AAMP: variants seen among roughly 807,000 people sequenced by gnomAD.
AAMP encodes angio-associated migratory cell protein.
In AAMP, 12 loss-of-function variants were observed where a neutral mutation model predicts 51.1. The observed-to-expected ratio is 0.23, with a 90% CI of 0.15 to 0.38. AAMP has a LOEUF of 0.38. Among genes scored for constraint, AAMP ranks in the 10% least tolerant of loss-of-function variants. AAMP has a pLI of 1.00. For synonymous variants in AAMP, 210 were observed against 218.7 expected, an observed-to-expected ratio of 0.96 and a Z score of 0.35; for missense variants, 418 against 557.2, an observed-to-expected ratio of 0.75 and a Z score of 2.52.
chr2:218,269,840 G>A (rs944097660), intron 1 of AAMP, 126 bp downstream of exon 1: 3 of 1,429,676 alleles, frequency 2.1e-6, no homozygotes, highest in South Asian at 2.6e-5. Flanking sequence ...GGGAGTGGGG[G>A]AGGAGGGGAA....
rs1690608042 is a variant in AAMP at position 218,265,673 on chromosome 2, C to T, written c.889G>A (p.Val297Ile). 6.2e-7 allele frequency: 1 copy of T among 1,612,886 alleles called. No individual in the cohort carries two copies. The highest frequency in any genetic ancestry group is 2.2e-5 in the East Asian group (1 of 44,882). Residue 297 changes from valine (V) to isoleucine (I), a missense_variant, in exon 8 of 11, where the codon GTT (valine) becomes ATT (isoleucine). Transcript: ENST00000248450. This position sits in a 1 kb window ranked among gnomAD's most constrained non-coding sequence, Gnocchi z 6.6. The stretch of plus-strand genomic sequence containing the variant: ...GAGGCCACAGTCTCAGGTCTAAAAA[C>T]ACCCACCACCTGAAAGCCAGAGAGG... ...VSATTGKVVG[V>I]FRPETVASQP...
chr2:218,264,670 C>T, intron 10 of AAMP, 62 bp from the exon 11 acceptor site: 1 of 1,452,942 alleles, frequency 6.9e-7, no homozygotes, highest in Non-Finnish European at 9.7e-7. Context: ...CCTAGGGGCC[C>T]TAGGGTGGGC....
In AAMP at chr2:218,266,563, G is replaced by C; in HGVS notation, c.559C>G (p.Pro187Ala). The C allele has an allele frequency of 6.2e-7, 1 of 1,613,580 alleles. No homozygotes were observed. Among genetic ancestry groups the C allele is most frequent in the South Asian group, 1.1e-5 (1 of 91,078 alleles). The change falls in exon 5 of 11, where the codon CCT becomes GCT. Residue 187 changes from proline (P) to alanine (A), a missense_variant. Coordinates refer to ENST00000248450, the MANE Select transcript of AAMP (RefSeq NM_001087.5). The surrounding 1 kb of genome is among the most constrained non-coding windows in gnomAD (Gnocchi z 4.7). The stretch of plus-strand genomic sequence containing the variant: ...TCAGCTGTGCCCGCCAACAGGACAG[G>C]TGCCCGAGGATGCCACTCCATCCAC... ...LEWMEWHPRAPVLLAGTADGN... is the reference protein window; with the variant it reads ...LEWMEWHPRAAVLLAGTADGN...
Position 218,269,478 on chromosome 2 carries a change from C to T in AAMP, c.178G>A (p.Gly60Ser), listed in dbSNP as rs754435292. 4 of 1,614,228 alleles carry T rather than the reference C, an allele frequency of 2.5e-6. No individual in the cohort carries two copies. Among genetic ancestry groups the T allele is most frequent in the Non-Finnish European group, 3.4e-6 (4 of 1,180,048 alleles). The change falls in exon 2 of 11, where the codon GGC becomes AGC. Residue 60 changes from glycine to serine, a missense_variant. Transcript: ENST00000248450. ...VDFEEEEEEE[G>S]NEEGWVLEPQ... Reference sequence around the variant, plus strand: ...TCTAGAACCCAGCCCTCTTCGTTGCCCTCTTCCTCCTCTTCTTCCTCAAAG... The same window carrying T: ...TCTAGAACCCAGCCCTCTTCGTTGCTCTCTTCCTCCTCTTCTTCCTCAAAG...
rs1690639155 is a variant in AAMP, at chr2:218,266,739, A to G, written c.534+108T>C. 1.3e-6 allele frequency: 2 copies of G among 1,568,094 alleles called. No homozygotes were observed. The highest frequency in any genetic ancestry group is 1.7e-6 in the Non-Finnish European group (2 of 1,152,358). ...ATATTCTTCCTGTGCCTTGGGGCGC[A>G]TTGGCTCAGAGCTGGCTTGGCGCAA... On this transcript the variant is annotated intron_variant, in intron 4 of 10. Transcript: ENST00000248450. This position sits in a 1 kb window ranked among gnomAD's most constrained non-coding sequence, Gnocchi z 4.7.
Position 218,266,514 on chromosome 2 carries a change from A to G in AAMP, c.608T>C (p.Val203Ala). 1 of 1,613,840 alleles carries G rather than the reference A, an allele frequency of 6.2e-7. No homozygotes were observed. Among genetic ancestry groups the G allele is most frequent in the South Asian group, 1.1e-5 (1 of 91,060 alleles). ...TADGNTWMWK[V>A]PNGDCKTFQG... ...GAAGGTCTTGCAGTCACCATTCGGG[A>G]CTTTCCACATCCAGGTGTTGCCGTC... Residue 203 changes from valine to alanine, a missense_variant, in exon 5 of 11, where the codon GTC (valine) becomes GCC (alanine). Transcript: ENST00000248450. This position sits in a 1 kb window ranked among gnomAD's most constrained non-coding sequence, Gnocchi z 4.7.
intron 2 of AAMP, among the ~76,000 whole-genome samples, chr2:218,268,760 G>A (rs1236752065): frequency 6.9e-6 from 1 of 144,446 alleles, no homozygotes; most frequent in Non-Finnish European, 1.5e-5. Context: ...GTGCAATGGC[G>A]CAGTCTTGGT....
intron 2 of AAMP, among the ~76,000 whole-genome samples, chr2:218,268,689 G>C (rs1411870557): frequency 7.0e-6 from 1 of 142,188 alleles, no homozygotes; most frequent in Non-Finnish European, 1.5e-5. Flanking sequence ...TTTTATCAAA[G>C]ATAACTTTTT....
rs1690624010 is a variant in AAMP, at chr2:218,266,191, C to T, written c.680-44G>A. 1.3e-6 allele frequency: 2 copies of T among 1,557,884 alleles called. No individual in the cohort carries two copies. Among genetic ancestry groups the T allele is most frequent in the African/African-American group, 1.4e-5 (1 of 73,732 alleles). ...GAAGAGAGGGCAGAGGGCACGCTCA[C>T]ATACACTAAGCAAGGGAATGGGGAG... On this transcript the variant is annotated intron_variant, in intron 5 of 10. Coordinates refer to ENST00000248450, the MANE Select transcript of AAMP (RefSeq NM_001087.5). This position sits in a 1 kb window ranked among gnomAD's most constrained non-coding sequence, Gnocchi z 4.7.
rs1393542478 is a variant in AAMP, at chr2:218,266,289, A to G, written c.680-142T>C. On this transcript the variant is annotated intron_variant, in intron 5 of 10. Transcript: ENST00000248450. The surrounding 1 kb of genome is among the most constrained non-coding windows in gnomAD (Gnocchi z 4.7). ...CACAGGTGAGTTCAGAGCAGGAAGG[A>G]GGCGCTGTGAACTTTGGGGCCCAGG... The G allele has an allele frequency of 9.9e-6, 13 of 1,309,700 alleles. No individual in the cohort carries two copies. The highest frequency in any genetic ancestry group is 1.4e-5 in the Non-Finnish European group (13 of 934,962). The allele number at this position is 1,309,700 out of a possible 1,614,324, so 81.1% of individuals were successfully genotyped here.
Position 218,267,016 on chromosome 2 carries a change from G to A in AAMP, c.395-30C>T, listed in dbSNP as rs929470944. The A allele has an allele frequency of 4.4e-6, 7 of 1,606,066 alleles. No individual in the cohort carries two copies. Among genetic ancestry groups the A allele is most frequent in the Admixed American group, 3.4e-5 (2 of 58,544 alleles). ...AAAGAAAAGTGGGCAGAAAACAGAGGAAAAAAATAGGGTACCTGGTGCTGG... is the reference window on the plus strand; with the variant it reads ...AAAGAAAAGTGGGCAGAAAACAGAGAAAAAAAATAGGGTACCTGGTGCTGG... On this transcript the variant is annotated intron_variant, in intron 3 of 10. Transcript: ENST00000248450. This position sits in a 1 kb window ranked among gnomAD's most constrained non-coding sequence, Gnocchi z 4.6.
rs1690652406 is a variant in AAMP at position 218,267,096 on chromosome 2, G to A, written c.395-110C>T. ...GAAAGGACCAGCTAGGAAAAAAAGA[G>A]GGGCGGGACTGAGCAGAACAGGTGC... On this transcript the variant is annotated intron_variant, in intron 3 of 10. Transcript: ENST00000248450. The surrounding 1 kb of genome is among the most constrained non-coding windows in gnomAD (Gnocchi z 4.6). 2 of 1,314,670 alleles carry A rather than the reference G, an allele frequency of 1.5e-6. No individual in the cohort carries two copies. The highest frequency in any genetic ancestry group is 1.1e-6 in the Non-Finnish European group (1 of 944,256). The allele number at this position is 1,314,670 out of a possible 1,614,324, so 81.4% of individuals were successfully genotyped here. A position where few individuals can be genotyped will look rare whatever the true frequency, so the allele number is the denominator to read the frequency against.
In AAMP at chr2:218,270,039, C is replaced by A; in HGVS notation, c.48G>T (p.Leu16=). 1 of 1,614,146 alleles carries A rather than the reference C, an allele frequency of 6.2e-7. No individual in the cohort carries two copies. Among genetic ancestry groups the A allele is most frequent in the Non-Finnish European group, 8.5e-7 (1 of 1,180,012 alleles). The part of the protein sequence containing the change: ...ESGAAADTPP[L]ETLSFHGDEE... ...CATCACCATGGAAGCTTAGGGTCTC[C>A]AGTGGGGGGGTGTCAGCAGCAGCCC... The change falls in exon 1 of 11, where the codon CTG becomes CTT. Residue 16 remains leucine (L), a synonymous_variant. Transcript: ENST00000248450.
rs1690635509 is a variant in AAMP, at chr2:218,266,615, AG to A, written c.535-29del. The A allele has an allele frequency of 6.3e-7, 1 of 1,598,374 alleles. No individual in the cohort carries two copies. Among genetic ancestry groups the A allele is most frequent in the Non-Finnish European group, 8.6e-7 (1 of 1,169,162 alleles). ...GGACAGGGAGGAAGGGGCAGCAGGG[AG>A]GCCCGTCACCCCATCCCACCTAGAA... On this transcript the variant is annotated intron_variant, in intron 4 of 10. Coordinates refer to ENST00000248450, the MANE Select transcript of AAMP (RefSeq NM_001087.5). This position sits in a 1 kb window ranked among gnomAD's most constrained non-coding sequence, Gnocchi z 4.7.
At position 218,265,607 on chromosome 2, in the gene AAMP, A is replaced by T; in HGVS notation, c.955T>A (p.Ser319Thr). The change falls in exon 8 of 11, where the codon TCG becomes ACG. Residue 319 changes from serine to threonine, a missense_variant. Ser to Thr is a moderately conservative substitution (Grantham distance 58). Transcript: ENST00000248450. This position sits in a 1 kb window ranked among gnomAD's most constrained non-coding sequence, Gnocchi z 6.6. ...LGEGEESESN[S>T]VESLGFCSVM... ...CTGCAGAAGCCCAAGGACTCCACCG[A>T]GTTGGACTCACTCTCCTCCCCTTCT... The T allele has an allele frequency of 6.2e-7, 1 of 1,613,858 alleles. No homozygotes were observed. The highest frequency in any genetic ancestry group is 1.6e-4 in the Middle Eastern group (1 of 6,062).
In AAMP at chr2:218,265,097, G is replaced by A; in HGVS notation, c.1152C>T (p.Leu384=). The A allele has an allele frequency of 6.2e-7, 1 of 1,613,318 alleles. No individual in the cohort carries two copies. The highest frequency in any genetic ancestry group is 2.2e-5 in the East Asian group (1 of 44,886). The change falls in exon 10 of 11, where the codon CTC becomes CTT. Residue 384 remains leucine (L), a synonymous_variant. Transcript: ENST00000248450. This position sits in a 1 kb window ranked among gnomAD's most constrained non-coding sequence, Gnocchi z 6.6. ...YTCSLDGIVR[L]WDARTGRLLT... ...GCAGGCGGCCGGTCCGGGCGTCCCA[G>A]AGGCGCACGATGCCATCCAGGCTGC...
At chr2:218,268,497 C>A (rs1387688258) in intron 2 of AAMP, among the ~76,000 whole-genome samples, 8 of 151,734 alleles carry the variant, frequency 5.3e-5, no homozygotes, top group Non-Finnish European at 1.0e-4. Flanking sequence ...TGCCACCACA[C>A]CCAGCTAATT....
Position 218,266,938 on chromosome 2 carries a change from A to C in AAMP, c.443T>G (p.Leu148Arg). The C allele has an allele frequency of 1.9e-6, 3 of 1,614,138 alleles. No individual in the cohort carries two copies. The highest frequency in any genetic ancestry group is 2.2e-5 in the South Asian group (2 of 91,084). ...GCCACTCATGTCCCCTGTGGCCACT[A>C]GAGTGGAGTCATGGCTGAAACCAGC... is the stretch of plus-strand genomic sequence containing the variant. ...TCAGFSHDST[L>R]VATGDMSGLL... The change falls in exon 4 of 11, where the codon CTA becomes CGA. Residue 148 changes from leucine (L) to arginine (R), a missense_variant. Leu to Arg is a moderately radical substitution (Grantham distance 102). Transcript: ENST00000248450. This position sits in a 1 kb window ranked among gnomAD's most constrained non-coding sequence, Gnocchi z 4.7.
In AAMP at chr2:218,267,639, A is replaced by G. The variant is rs1211676393; in HGVS notation, c.275-26T>C. The G allele has an allele frequency of 1.2e-6, 2 of 1,613,910 alleles. No homozygotes were observed. Among genetic ancestry groups the G allele is most frequent in the Admixed American group, 3.3e-5 (2 of 60,000 alleles). ...CTGTCCCAAGAGATATTCCATGGGT[A>G]AGGGGACAGAGCTCCCACCTAGGGC... On this transcript the variant is annotated intron_variant, in intron 2 of 10. Coordinates refer to ENST00000248450, the MANE Select transcript of AAMP (RefSeq NM_001087.5). The surrounding 1 kb of genome is among the most constrained non-coding windows in gnomAD (Gnocchi z 4.6).
Sources: allele counts gnomAD v4.1 joint callset (sites outside exome capture counted in the v4.1 genomes callset), GRCh38; gene constraint gnomAD v4.1.1; non-coding constraint Gnocchi (gnomAD v3.1); transcripts MANE v1.5; gene names NCBI Gene and HGNC (gene_info 2026-07-23, HGNC 2026-07-21).